IFITM1: variants seen among roughly 807,000 people sequenced by gnomAD.
IFITM1 encodes the protein interferon induced transmembrane protein 1, also known as interferon-induced transmembrane protein 1.
Under a neutral mutation model 4.0 loss-of-function variants are expected in IFITM1, and 1 was observed. That is an observed-to-expected ratio of 0.25 (90% CI 0.09 to 1.18). IFITM1 has a LOEUF of 1.18. Ranked by LOEUF, IFITM1 falls within the 50% of genes most tolerant of loss-of-function variation. The probability of loss-of-function intolerance (pLI) is 0.50; values close to 1 mark genes in which losing one functional copy is unlikely to be tolerated. For synonymous variants in IFITM1, 79 were observed against 69.7 expected (o/e 1.13, Z -0.67); for missense variants, 131 against 163.2 (o/e 0.80, Z 1.08).
At position 314,178 on chromosome 11, in the gene IFITM1, A is replaced by T. The variant is rs1379145843; in HGVS notation, c.8A>T (p.Lys3Met). The T allele has an allele frequency of 6.2e-7, 1 of 1,613,866 alleles. No individual in the cohort carries two copies. The highest frequency in any genetic ancestry group is 1.7e-5 in the Admixed American group (1 of 60,014). Reference protein sequence around the residue: MHKEEHEVAVLGP... With the variant: MHMEEHEVAVLGP... Reference sequence around the variant, plus strand: ...CTTCCCCAAAGCCAGAAGATGCACAAGGAGGAACATGAGGTGGCTGTGCTG... The same window carrying T: ...CTTCCCCAAAGCCAGAAGATGCACATGGAGGAACATGAGGTGGCTGTGCTG... Residue 3 changes from lysine to methionine, a missense_variant, in exon 1 of 2, where the codon AAG becomes ATG. By Grantham distance (95) the Lys-to-Met change is moderately conservative (BLOSUM62 -1). Around this residue, in one of 3 missense-constraint regions of IFITM1, gnomAD observed 77 missense variants for 80.1 expected, o/e 0.96. Transcript: ENST00000408968. This position sits in a 1 kb window ranked among gnomAD's most constrained non-coding sequence, Gnocchi z 4.5.
rs1564849956 is a variant in IFITM1 at position 314,209 on chromosome 11, ACC to A, written c.44_45del (p.Pro15GlnfsTer49). On this transcript the variant is annotated frameshift_variant, in exon 1 of 2. Coordinates refer to ENST00000408968, the MANE Select transcript of IFITM1 (RefSeq NM_003641.5). LOFTEE classifies it high-confidence loss of function. The surrounding 1 kb of genome is among the most constrained non-coding windows in gnomAD (Gnocchi z 4.5). ...AACATGAGGTGGCTGTGCTGGGGCC[ACC>A]CCCCAGCACCATCCTTCCAAGGTCC... is the stretch of plus-strand genomic sequence containing the variant. ...EEHEVAVLGP[P>X]PSTILPRSTV... 1 of 1,612,202 alleles carries A rather than the reference ACC, an allele frequency of 6.2e-7. No homozygotes were observed.
In IFITM1 at chr11:314,146, A is replaced by G; in HGVS notation, c.-25A>G. 6.2e-7 allele frequency: 1 copy of G among 1,611,350 alleles called. No individual in the cohort carries two copies. Among genetic ancestry groups the G allele is most frequent in the East Asian group, 2.2e-5 (1 of 44,820 alleles). Reference sequence around the variant, plus strand: ...ACCACACTTCTCAAACCTTCACTCAACACTTCCTTCCCCAAAGCCAGAAGA... The same window carrying G: ...ACCACACTTCTCAAACCTTCACTCAGCACTTCCTTCCCCAAAGCCAGAAGA... On this transcript the variant is annotated 5_prime_UTR_variant, in exon 1 of 2. Transcript: ENST00000408968. This position sits in a 1 kb window ranked among gnomAD's most constrained non-coding sequence, Gnocchi z 4.5.
chr11:314,441 G>A lies in IFITM1; in HGVS notation c.186+85G>A, dbSNP rs914059036. 3 of 1,459,138 alleles carry A rather than the reference G, an allele frequency of 2.1e-6. No individual in the cohort carries two copies. Among genetic ancestry groups the A allele is most frequent in the Non-Finnish European group, 2.9e-6 (3 of 1,045,336 alleles). 90.4% of individuals were successfully genotyped at this position (1,459,138 alleles called of 1,614,324 possible). A position where few individuals can be genotyped will look rare whatever the true frequency, so the allele number is the denominator to read the frequency against. ...CACATGCTGCCTGGGGTGGGGACTTGTGTGTCCCTGTGACTGTGAGTTTGT... is the reference window on the plus strand; with the variant it reads ...CACATGCTGCCTGGGGTGGGGACTTATGTGTCCCTGTGACTGTGAGTTTGT... On this transcript the variant is annotated intron_variant, in intron 1 of 1. Transcript: ENST00000408968. The surrounding 1 kb of genome is among the most constrained non-coding windows in gnomAD (Gnocchi z 4.5).
At position 314,872 on chromosome 11, in the gene IFITM1, C is replaced by T. The variant is rs113613713; in HGVS notation, c.187-50C>T. ...GGGGAGGAGACGGAGCCATAGCACG[C>T]GGCTCTCAGCTGGGGGATCCTGGTC... On this transcript the variant is annotated intron_variant, in intron 1 of 1. Transcript: ENST00000408968. This position sits in a 1 kb window ranked among gnomAD's most constrained non-coding sequence, Gnocchi z 4.5. 21 of 1,604,336 alleles carry T rather than the reference C, an allele frequency of 1.3e-5. No individual in the cohort carries two copies. Among genetic ancestry groups the T allele is most frequent in the African/African-American group, 8.0e-5 (6 of 74,628 alleles).
chr11:314,248 C>A lies in IFITM1; in HGVS notation c.78C>A (p.Asn26Lys), dbSNP rs769307254. The change falls in exon 1 of 2, where the codon AAC (asparagine) becomes AAA (lysine). Residue 26 changes from asparagine (N) to lysine (K), a missense_variant. Around this residue, in one of 3 missense-constraint regions of IFITM1, gnomAD observed 77 missense variants for 80.1 expected, o/e 0.96. Coordinates refer to ENST00000408968, the MANE Select transcript of IFITM1 (RefSeq NM_003641.5). The surrounding 1 kb of genome is among the most constrained non-coding windows in gnomAD (Gnocchi z 4.5). ...STILPRSTVINIHSETSVPDH... is the reference protein window; with the variant it reads ...STILPRSTVIKIHSETSVPDH... ...TCCTTCCAAGGTCCACCGTGATCAA[C>A]ATCCACAGCGAGACCTCCGTGCCCG... 6 of 1,614,018 alleles carry A rather than the reference C, an allele frequency of 3.7e-6. No homozygotes were observed. In the Admixed American group the frequency reaches 1.0e-4, roughly 27 times the overall value.
Position 315,187 on chromosome 11 carries a change from G to C in IFITM1, c.*74G>C. The C allele has an allele frequency of 6.8e-7, 1 of 1,472,228 alleles. No homozygotes were observed. Among genetic ancestry groups the C allele is most frequent in the East Asian group, 2.3e-5 (1 of 44,012 alleles). The allele number at this position is 1,472,228 out of a possible 1,614,324, so 91.2% of individuals were successfully genotyped here. A position where few individuals can be genotyped will look rare whatever the true frequency, so the allele number is the denominator to read the frequency against. On this transcript the variant is annotated 3_prime_UTR_variant, in exon 2 of 2. Coordinates refer to ENST00000408968, the MANE Select transcript of IFITM1 (RefSeq NM_003641.5). ...CCTGCACGCTGGGGCTGTTGCCCCT[G>C]CCCCCTTGGTCCTGCCCCTAGATAC...
At position 315,232 on chromosome 11, in the gene IFITM1, C is replaced by T; in HGVS notation, c.*119C>T. ...AGATACAGCAGTTTATACCCACACA[C>T]CTGTCTACAGTGTCATTCAATAAAG... On this transcript the variant is annotated 3_prime_UTR_variant, in exon 2 of 2. Coordinates refer to ENST00000408968, the MANE Select transcript of IFITM1 (RefSeq NM_003641.5). 1.1e-6 allele frequency: 1 copy of T among 901,306 alleles called. No homozygotes were observed. The highest frequency in any genetic ancestry group is 1.7e-6 in the Non-Finnish European group (1 of 572,312). 55.8% of individuals were successfully genotyped at this position (901,306 alleles called of 1,614,324 possible). A position where few individuals can be genotyped will look rare whatever the true frequency, so the allele number is the denominator to read the frequency against.
rs1251437618 is a variant in IFITM1 at position 314,812 on chromosome 11, G to A, written c.187-110G>A. On this transcript the variant is annotated intron_variant, in intron 1 of 1. Coordinates refer to ENST00000408968, the MANE Select transcript of IFITM1 (RefSeq NM_003641.5). The surrounding 1 kb of genome is among the most constrained non-coding windows in gnomAD (Gnocchi z 4.5). ...GCTCCTGGAGAGTCTGAGCCCGGGT[G>A]AGGAAGGGGAGGAGGTGGTCCCTGA... The A allele has an allele frequency of 6.6e-7, 1 of 1,509,140 alleles. No individual in the cohort carries two copies. The highest frequency in any genetic ancestry group is 1.4e-5 in the African/African-American group (1 of 72,550). The allele number at this position is 1,509,140 out of a possible 1,614,324, so 93.5% of individuals were successfully genotyped here.
chr11:315,225 C>G lies in IFITM1; in HGVS notation c.*112C>G, dbSNP rs1846040639. On this transcript the variant is annotated 3_prime_UTR_variant, in exon 2 of 2. Coordinates refer to ENST00000408968, the MANE Select transcript of IFITM1 (RefSeq NM_003641.5). Reference sequence around the variant, plus strand: ...TGCCCCTAGATACAGCAGTTTATACCCACACACCTGTCTACAGTGTCATTC... The same window carrying G: ...TGCCCCTAGATACAGCAGTTTATACGCACACACCTGTCTACAGTGTCATTC... The G allele has an allele frequency of 9.4e-6, 9 of 953,504 alleles. No individual in the cohort carries two copies. Among genetic ancestry groups the G allele is most frequent in the Non-Finnish European group, 4.9e-6 (3 of 614,748 alleles). 59.1% of individuals were successfully genotyped at this position (953,504 alleles called of 1,614,324 possible).
chr11:314,073 C>T lies in IFITM1; in HGVS notation c.-98C>T. 9.8e-7 allele frequency: 1 copy of T among 1,021,074 alleles called. No homozygotes were observed. The highest frequency in any genetic ancestry group is 1.4e-5 in the South Asian group (1 of 72,020). The allele number at this position is 1,021,074 out of a possible 1,614,324, so 63.3% of individuals were successfully genotyped here. On this transcript the variant is annotated 5_prime_UTR_variant, in exon 1 of 2. Transcript: ENST00000408968. This position sits in a 1 kb window ranked among gnomAD's most constrained non-coding sequence, Gnocchi z 4.5. ...AGGGGAAAGGAGGTCTCACTGAGCA[C>T]CGTCCCAGCATCCGGACACCACAGC...
In IFITM1 at chr11:314,625, G is replaced by A. The variant is rs960470447; in HGVS notation, c.186+269G>A. On this transcript the variant is annotated intron_variant, in intron 1 of 1. Transcript: ENST00000408968. This position sits in a 1 kb window ranked among gnomAD's most constrained non-coding sequence, Gnocchi z 4.5. ...CTGTCCCTGGCTATCCATTAGCCCA[G>A]AGCAATTCTCCCTATAGCCCAGTAA... Among the ~76,000 whole-genome samples the A allele has an allele frequency of 1.3e-5, 2 of 152,228 alleles. No individual in the cohort carries two copies. The highest frequency in any genetic ancestry group is 2.9e-5 in the Non-Finnish European group (2 of 68,044).
In IFITM1 at chr11:315,040, TG is replaced by T; in HGVS notation, c.306del (p.Leu103TyrfsTer7). On this transcript the variant is annotated frameshift_variant, in exon 2 of 2. Transcript: ENST00000408968. LOFTEE classifies it low-confidence loss of function (END_TRUNC). ...ATCCTCATGACCATTGGATTCATCC[TG>T]TTACTGGTATTCGGCTCTGTGACAG... Reference protein sequence around the residue: ...LGILMTIGFILLLVFGSVTVY... With the variant: ...LGILMTIGFIXLLVFGSVTVY... 6.2e-7 allele frequency: 1 copy of T among 1,614,206 alleles called. No homozygotes were observed. Among genetic ancestry groups the T allele is most frequent in the Non-Finnish European group, 8.5e-7 (1 of 1,180,008 alleles).
rs1468231302 is a variant in IFITM1 at position 315,147 on chromosome 11, C to G, written c.*34C>G. The G allele has an allele frequency of 1.3e-6, 2 of 1,596,124 alleles. No individual in the cohort carries two copies. The highest frequency in any genetic ancestry group is 2.2e-5 in the South Asian group (2 of 90,214). On this transcript the variant is annotated 3_prime_UTR_variant, in exon 2 of 2. Transcript: ENST00000408968. ...CATAGCCTGCAACCTTTGCACTCCA[C>G]TGTGCAATGCTGGCCCTGCACGCTG...
At position 314,290 on chromosome 11, in the gene IFITM1, C is replaced by G. The variant is rs1284662006; in HGVS notation, c.120C>G (p.Ser40=). ...ETSVPDHVVW[S]LFNTLFLNWC... is the part of the protein sequence containing the mutation. Reference sequence around the variant, plus strand: ...CCGTGCCCGACCATGTCGTCTGGTCCCTGTTCAACACCCTCTTCTTGAACT... The same window carrying G: ...CCGTGCCCGACCATGTCGTCTGGTCGCTGTTCAACACCCTCTTCTTGAACT... Residue 40 remains serine (S), a synonymous_variant, in exon 1 of 2, where the codon TCC becomes TCG. Coordinates refer to ENST00000408968, the MANE Select transcript of IFITM1 (RefSeq NM_003641.5). The surrounding 1 kb of genome is among the most constrained non-coding windows in gnomAD (Gnocchi z 4.5). 1 of 1,613,806 alleles carries G rather than the reference C, an allele frequency of 6.2e-7. No individual in the cohort carries two copies. Among genetic ancestry groups the G allele is most frequent in the Non-Finnish European group, 8.5e-7 (1 of 1,179,872 alleles).
chr11:315,145 C>T lies in IFITM1; in HGVS notation c.*32C>T, dbSNP rs1317735714. 15 of 1,601,012 alleles carry T rather than the reference C, an allele frequency of 9.4e-6. No homozygotes were observed. The highest frequency in any genetic ancestry group is 1.3e-5 in the Non-Finnish European group (15 of 1,169,210). Reference sequence around the variant, plus strand: ...CCCATAGCCTGCAACCTTTGCACTCCACTGTGCAATGCTGGCCCTGCACGC... The same window carrying T: ...CCCATAGCCTGCAACCTTTGCACTCTACTGTGCAATGCTGGCCCTGCACGC... On this transcript the variant is annotated 3_prime_UTR_variant, in exon 2 of 2. Transcript: ENST00000408968.
In IFITM1 at chr11:315,135, C is replaced by G; in HGVS notation, c.*22C>G. On this transcript the variant is annotated 3_prime_UTR_variant, in exon 2 of 2. Coordinates refer to ENST00000408968, the MANE Select transcript of IFITM1 (RefSeq NM_003641.5). ...CTAGTAGCCGCCCATAGCCTGCAAC[C>G]TTTGCACTCCACTGTGCAATGCTGG... The G allele has an allele frequency of 6.2e-7, 1 of 1,611,110 alleles. No homozygotes were observed. Among genetic ancestry groups the G allele is most frequent in the Non-Finnish European group, 8.5e-7 (1 of 1,177,904 alleles).
At position 315,137 on chromosome 11, in the gene IFITM1, T is replaced by G. The variant is rs972781924; in HGVS notation, c.*24T>G. The G allele has an allele frequency of 6.2e-7, 1 of 1,611,020 alleles. No individual in the cohort carries two copies. The highest frequency in any genetic ancestry group is 8.5e-7 in the Non-Finnish European group (1 of 1,177,940). Reference sequence around the variant, plus strand: ...AGTAGCCGCCCATAGCCTGCAACCTTTGCACTCCACTGTGCAATGCTGGCC... The same window carrying G: ...AGTAGCCGCCCATAGCCTGCAACCTGTGCACTCCACTGTGCAATGCTGGCC... On this transcript the variant is annotated 3_prime_UTR_variant, in exon 2 of 2. Coordinates refer to ENST00000408968, the MANE Select transcript of IFITM1 (RefSeq NM_003641.5).
Position 314,390 on chromosome 11 carries a change from C to G in IFITM1, c.186+34C>G, listed in dbSNP as rs1439528252. 1 of 1,611,872 alleles carries G rather than the reference C, an allele frequency of 6.2e-7. No homozygotes were observed. Among genetic ancestry groups the G allele is most frequent in the South Asian group, 1.1e-5 (1 of 90,998 alleles). On this transcript the variant is annotated intron_variant, in intron 1 of 1. Transcript: ENST00000408968. The surrounding 1 kb of genome is among the most constrained non-coding windows in gnomAD (Gnocchi z 4.5). ...GGCCCTGGCGGAAATCCAGGGGGTGCCGGTGAGCCTGGGGCTCCACCTGCC... is the reference window on the plus strand; with the variant it reads ...GGCCCTGGCGGAAATCCAGGGGGTGGCGGTGAGCCTGGGGCTCCACCTGCC...
chr11:315,093 C>T lies in IFITM1; in HGVS notation c.358C>T (p.Gln120Ter), dbSNP rs1383812694. ...TVYHIMLQIIQEKRGY is the reference protein window; with the variant it reads ...TVYHIMLQII ...CTACCATATTATGTTACAGATAATA[C>T]AGGAAAAACGGGGTTACTAGTAGCC... The change falls in exon 2 of 2, where the codon CAG becomes TAG. Residue 120 changes from glutamine (Q) to a stop codon, truncating the protein, a stop_gained. Transcript: ENST00000408968. LOFTEE classifies it low-confidence loss of function (END_TRUNC). 1 of 1,614,012 alleles carries T rather than the reference C, an allele frequency of 6.2e-7. No individual in the cohort carries two copies. The highest frequency in any genetic ancestry group is 1.3e-5 in the African/African-American group (1 of 74,928).
Sources: allele counts gnomAD v4.1 joint callset (sites outside exome capture counted in the v4.1 genomes callset), GRCh38; gene constraint gnomAD v4.1.1; regional missense constraint gnomAD v4.1.1; non-coding constraint Gnocchi (gnomAD v3.1); transcripts MANE v1.5; gene names NCBI Gene and HGNC (gene_info 2026-07-23, HGNC 2026-07-21).